UNC80: variants seen among roughly 807,000 people sequenced by gnomAD.
The protein encoded by UNC80 is unc-80 subunit of NALCN channel complex.
Under a neutral mutation model 384.6 loss-of-function variants are expected in UNC80, and 164 were observed. That is an observed-to-expected ratio of 0.43 (90% CI 0.38 to 0.49). The LOEUF (loss-of-function observed/expected upper bound fraction) is 0.49. Among genes scored for constraint, UNC80 ranks in the 20% least tolerant of loss-of-function variants. UNC80 has a pLI of 0.00. For missense variants in UNC80, 3,330 were observed against 4,143.0 expected (o/e 0.80, Z 5.39); for synonymous variants, 1,486 against 1,527.8 (o/e 0.97, Z 0.64).
At position 209,904,823 on chromosome 2, in the gene UNC80, A is replaced by C. The variant is rs2087977939; in HGVS notation, c.4640A>C (p.His1547Pro). ...ATCTGCACTCACGTTGACTACTGCC[A>C]TCCCCACTGCTACCTGCACCACAGC... ...SFICTHVDYC[H>P]PHCYLHHSRS... Residue 1547 changes from histidine to proline, a missense_variant, in exon 29 of 65, where the codon CAT (histidine) becomes CCT (proline). His to Pro is a moderately conservative substitution (Grantham distance 77). This residue lies in a region of UNC80 where 801 missense variants were observed against 950.8 expected (regional missense o/e 0.84). Transcript: ENST00000673920. The C allele has an allele frequency of 6.4e-7, 1 of 1,551,952 alleles. No individual in the cohort carries two copies. Among genetic ancestry groups the C allele is most frequent in the Non-Finnish European group, 8.7e-7 (1 of 1,147,056 alleles).
rs148935559 is a variant in UNC80, at chr2:209,794,901, C to A, written c.938+1042C>A. ...CCCAGTTTGGGGTATTTATCAGCAG[C>A]AAGAAAATGAACTAATATAGTAAAT... On this transcript the variant is annotated intron_variant, in intron 7 of 64. Coordinates refer to ENST00000673920, the MANE Select transcript of UNC80 (RefSeq NM_001371986.1). The A allele has an allele frequency of 2.1e-3, 863 of 411,146 alleles. 10 individuals carry two copies. The highest frequency in any genetic ancestry group is 0.016 in the African/African-American group (782 of 48,090). The allele number at this position is 411,146 out of a possible 1,614,324, so 25.5% of individuals were successfully genotyped here.
chr2:209,931,389 A>ACG (rs889905477), intron 38 of UNC80, among the ~76,000 whole-genome samples: 2 of 151,272 alleles, frequency 1.3e-5, no homozygotes, highest in African/African-American at 2.4e-5. Context: ...ACACACACAC[A>ACG]CACACACACA....
intron 22 of UNC80, among the ~76,000 whole-genome samples, chr2:209,860,946 G>A (rs7583147): frequency 0.16 from 24,542 of 152,138 alleles, 2,606 homozygotes; most frequent in African/African-American, 0.29. Context: ...AGGAGTTTTG[G>A]TGCTGAGTTG....
At chr2:209,889,714 T>C (rs1262272640) in intron 26 of UNC80, among the ~76,000 whole-genome samples, 1 of 152,170 alleles carries the variant, frequency 6.6e-6, no homozygotes, top group Non-Finnish European at 1.5e-5. Flanking sequence ...ATTGCTCAAC[T>C]CCCACTTATG....
chr2:209,816,434 A>G (rs112503562), intron 9 of UNC80, among the ~76,000 whole-genome samples: 1,831 of 152,336 alleles, frequency 0.012, 40 homozygotes, highest in African/African-American at 0.04. Context: ...AACTGAAACA[A>G]TGGATCACCA....
At chr2:209,873,116 G>A in intron 23 of UNC80, 146 bp downstream of exon 23, 1 of 709,088 alleles carries the variant, frequency 1.4e-6, no homozygotes, top group Non-Finnish European at 2.3e-6. Flanking sequence ...GAAAAAATAA[G>A]CAACTCATTT....
chr2:209,878,180 T>G, intron 24 of UNC80, 91 bp downstream of exon 24: 1 of 1,288,990 alleles, frequency 7.8e-7, no homozygotes, highest in Non-Finnish European at 1.0e-6. Context: ...CTTCATATTC[T>G]TACCACCTCC....
chr2:209,921,404 A>G (rs1191928906), intron 33 of UNC80, 96 bp from the exon 34 acceptor site: 1 of 1,232,520 alleles, frequency 8.1e-7, no homozygotes, highest in Non-Finnish European at 1.1e-6. Flanking sequence ...CCTGAGGACA[A>G]ACTACTACGT....
At chr2:209,928,835 C>G (rs1300434263) in intron 36 of UNC80, among the ~76,000 whole-genome samples, 1 of 152,164 alleles carries the variant, frequency 6.6e-6, no homozygotes, top group Non-Finnish European at 1.5e-5. Flanking sequence ...TCCCTCCCGC[C>G]TCCCCTTCCT....
intron 22 of UNC80, among the ~76,000 whole-genome samples, chr2:209,866,800 A>G (rs2083870739): frequency 6.6e-6 from 1 of 152,128 alleles, no homozygotes; most frequent in East Asian, 1.9e-4. Flanking sequence ...TTATCTTTAA[A>G]TGTGTTTGAT....
At chr2:209,823,675 AT>A (rs1416803593) in intron 13 of UNC80, among the ~76,000 whole-genome samples, 2 of 151,596 alleles carry the variant, frequency 1.3e-5, no homozygotes, top group African/African-American at 4.8e-5. Context: ...ATTAATAATT[AT>A]TTTTGCTATT....
At chr2:209,844,549 T>G (rs1158963871) in intron 21 of UNC80, among the ~76,000 whole-genome samples, 1 of 130,916 alleles carries the variant, frequency 7.6e-6, no homozygotes, top group Non-Finnish European at 1.7e-5. Flanking sequence ...CCTTCCTTCC[T>G]TTTTCTTTCC....
At chr2:209,926,392 C>T (rs914747376) in intron 35 of UNC80, among the ~76,000 whole-genome samples, 4 of 152,236 alleles carry the variant, frequency 2.6e-5, no homozygotes, top group Non-Finnish European at 5.9e-5. Flanking sequence ...CTTTGTGTAA[C>T]GTAATCTTTT....
At chr2:209,813,376 C>G (rs2079503017) in intron 7 of UNC80, among the ~76,000 whole-genome samples, 1 of 152,176 alleles carries the variant, frequency 6.6e-6, no homozygotes, top group Admixed American at 6.5e-5. Context: ...TCCTTCAAAA[C>G]TCTCTCAATA....
chr2:209,813,529 C>G (rs2079515422), intron 7 of UNC80, 51 bp from the exon 8 acceptor site: 1 of 1,525,504 alleles, frequency 6.6e-7, no homozygotes. Context: ...TGTGCTGCCC[C>G]TCTGAAAGCT....
At position 209,970,570 on chromosome 2, in the gene UNC80, A is replaced by G. The variant is rs576607284; in HGVS notation, c.8131-262A>G. On this transcript the variant is annotated intron_variant, in intron 53 of 64. Transcript: ENST00000673920. ...CTAAGTGTCCAATCTCCTGATTAGA[A>G]TAGCTTTTTGGTTCATCTCTCATTA... Among the ~76,000 whole-genome samples the G allele has an allele frequency of 2.6e-5, 4 of 152,336 alleles. No individual in the cohort carries two copies. In the East Asian group the frequency reaches 7.7e-4, roughly 29 times the overall value.
chr2:209,914,234 G>A (rs1457749601), intron 31 of UNC80, among the ~76,000 whole-genome samples: 1 of 152,154 alleles, frequency 6.6e-6, no homozygotes, highest in Non-Finnish European at 1.5e-5. Flanking sequence ...TTTCACAAGA[G>A]ACAAAATTCT....
rs771771355 is a variant in UNC80 at position 209,926,959 on chromosome 2, G to A, written c.5779G>A (p.Gly1927Ser). 6.4e-7 allele frequency: 1 copy of A among 1,552,030 alleles called. No homozygotes were observed. The highest frequency in any genetic ancestry group is 1.2e-5 in the South Asian group (1 of 84,058). ...TCCCATTGTTCATCTGATGGAGGATGGTGAGGTGCGGGAAGATGGAGTAGC... is the reference window on the plus strand; with the variant it reads ...TCCCATTGTTCATCTGATGGAGGATAGTGAGGTGCGGGAAGATGGAGTAGC... Reference protein sequence around the residue: ...VLPIVHLMEDGEVREDGVAVS... With the variant: ...VLPIVHLMEDSEVREDGVAVS... Residue 1927 changes from glycine (G) to serine (S), a missense_variant, in exon 36 of 65, where the codon GGT (glycine) becomes AGT (serine). By Grantham distance (56) the Gly-to-Ser change is moderately conservative. Coordinates refer to ENST00000673920, the MANE Select transcript of UNC80 (RefSeq NM_001371986.1).
chr2:209,840,243 C>A (rs2153829266), intron 19 of UNC80, among the ~76,000 whole-genome samples: 1 of 152,230 alleles, frequency 6.6e-6, no homozygotes, highest in Admixed American at 6.5e-5. Flanking sequence ...GATAAATGAA[C>A]ACATTTGAGA....
Sources: gnomAD v4.1 joint callset for allele counts (sites outside exome capture counted in the v4.1 genomes callset) on GRCh38, gnomAD v4.1.1 for gene constraint, gnomAD v4.1.1 regional missense constraint, MANE v1.5 for transcripts, NCBI Gene and HGNC (gene_info 2026-07-23, HGNC 2026-07-21) for gene names.